Variants in N4BP2 observed in about 807,000 individuals in gnomAD.
The protein encoded by N4BP2 is NEDD4-binding protein 2.
In N4BP2, 91 loss-of-function variants were observed where a neutral mutation model predicts 152.8. That is an observed-to-expected ratio of 0.60 (90% CI 0.50 to 0.71). The LOEUF is 0.71. Ranked by LOEUF, N4BP2 falls within the 30% of genes least tolerant of loss-of-function variation. The pLI, the probability that N4BP2 is intolerant of heterozygous loss-of-function variation, is 0.00. For missense variants in N4BP2, 1,923 were observed against 2,059.1 expected, an observed-to-expected ratio of 0.93 and a Z score of 1.28; for synonymous variants, 646 against 705.3, an observed-to-expected ratio of 0.92 and a Z score of 1.33.
chr4:40,143,532 C>G (rs2110036126), intron 15 of N4BP2, among the ~76,000 whole-genome samples: 1 of 152,232 alleles, frequency 6.6e-6, no homozygotes, highest in African/African-American at 2.4e-5. Flanking sequence ...AACTCCTGAG[C>G]TCAAGCAATC....
intron 2 of N4BP2, among the ~76,000 whole-genome samples, chr4:40,085,689 G>A (rs2109928367): frequency 6.6e-6 from 1 of 152,208 alleles, no homozygotes; most frequent in East Asian, 1.9e-4. Context: ...CTGGAACGCT[G>A]TATTGTTTCC....
chr4:40,158,863 C>G (rs1215673200), downstream of N4BP2, among the ~76,000 whole-genome samples: 2 of 152,218 alleles, frequency 1.3e-5, no homozygotes, highest in East Asian at 3.9e-4. Flanking sequence ...GCAGAATTCA[C>G]TCATTTTGCA....
intron 1 of N4BP2, among the ~76,000 whole-genome samples, chr4:40,069,360 C>T (rs896338402): frequency 1.3e-5 from 2 of 152,046 alleles, no homozygotes; most frequent in Admixed American, 6.6e-5. Context: ...ATCACTTGAA[C>T]CTGGGAGGTG....
At chr4:40,138,395 T>C (rs1394550930) in intron 14 of N4BP2, among the ~76,000 whole-genome samples, 1 of 151,578 alleles carries the variant, frequency 6.6e-6, no homozygotes, top group Admixed American at 6.6e-5. Context: ...TTTCACTCTG[T>C]TGTTTCTGTT....
chr4:40,091,274 A>C lies in N4BP2; in HGVS notation c.-114-5953A>C, dbSNP rs189397539. On this transcript the variant is annotated intron_variant, in intron 2 of 17. Transcript: ENST00000261435. ...TTATTTTCTTTTTTTCTCTTATTTCATGAGCTAGAACTTCCAGCATTATTT... is the reference window on the plus strand; with the variant it reads ...TTATTTTCTTTTTTTCTCTTATTTCCTGAGCTAGAACTTCCAGCATTATTT... 1.4e-4 allele frequency among the ~76,000 whole-genome samples: 22 copies of C among 151,934 alleles called. No individual in the cohort carries two copies. The East Asian group carries it at 4.3e-3, about 29-fold the overall frequency.
the N4BP2 span, among the ~76,000 whole-genome samples, chr4:40,175,074 G>A: frequency 5.9e-5 from 9 of 152,102 alleles, no homozygotes; most frequent in African/African-American, 1.9e-4. Flanking sequence ...AAACTGGAGT[G>A]CAGTGGCACA....
rs772512614 is a variant in N4BP2 at position 40,120,444 on chromosome 4, A to G, written c.2333A>G (p.Lys778Arg). ...CAAAAAAGCAAATCGACTTTGGAAA[A>G]GTTCCCAAGACATGAGCTATCAAAT... ...GKQKSKSTLE[K>R]FPRHELSNFV... The change falls in exon 9 of 18, where the codon AAG becomes AGG. Residue 778 changes from lysine to arginine, a missense_variant. Physicochemically the swap from Lys to Arg is conservative, Grantham distance 26. Coordinates refer to ENST00000261435, the MANE Select transcript of N4BP2 (RefSeq NM_018177.6). 6.2e-7 allele frequency: 1 copy of G among 1,613,950 alleles called. No homozygotes were observed.
chr4:40,097,511 A>G lies in N4BP2; in HGVS notation c.171A>G (p.Ile57Met), dbSNP rs1163717018. Residue 57 changes from isoleucine to methionine, a missense_variant, in exon 3 of 18, where the codon ATA (isoleucine) becomes ATG (methionine). Coordinates refer to ENST00000261435, the MANE Select transcript of N4BP2 (RefSeq NM_018177.6). ...AACTCTTCACCAGTATCTCAGAGAT[A>G]TTTTCTGATCTGGATCCTGATGTAG... is the stretch of plus-strand genomic sequence containing the variant. ...QEELFTSISE[I>M]FSDLDPDVVY... 6.2e-7 allele frequency: 1 copy of G among 1,613,868 alleles called. No individual in the cohort carries two copies. Among genetic ancestry groups the G allele is most frequent in the African/African-American group, 1.3e-5 (1 of 74,994 alleles).
chr4:40,190,079 C>A, the N4BP2 span, among the ~76,000 whole-genome samples: 2 of 152,186 alleles, frequency 1.3e-5, no homozygotes, highest in African/African-American at 4.8e-5. Context: ...ATCCCCCTTC[C>A]TTACTTTGCT....
the N4BP2 span, among the ~76,000 whole-genome samples, chr4:40,168,583 T>C: frequency 1.6e-5 from 1 of 61,032 alleles, no homozygotes; most frequent in African/African-American, 5.2e-5. Context: ...AAAATGAAAT[T>C]TATGGATTTT....
At chr4:40,169,324 G>A in the N4BP2 span, among the ~76,000 whole-genome samples, 1 of 150,966 alleles carries the variant, frequency 6.6e-6, no homozygotes, top group Non-Finnish European at 1.5e-5. Context: ...GGAGGTTGCA[G>A]TGAGCTGAGA....
At chr4:40,082,935 C>T (rs919625236) in intron 2 of N4BP2, 4 of 182,250 alleles carry the variant, frequency 2.2e-5, no homozygotes, top group Non-Finnish European at 4.7e-5. Flanking sequence ...CTCCTGACCT[C>T]GTGATCTGCC....
At chr4:40,060,206 A>T (rs557923125) in intron 1 of N4BP2, among the ~76,000 whole-genome samples, 1 of 152,032 alleles carries the variant, frequency 6.6e-6, no homozygotes, top group South Asian at 2.1e-4. Context: ...AGAACTGTAC[A>T]TCTAGATTGT....
At chr4:40,077,311 C>CT (rs1190743974) in intron 2 of N4BP2, among the ~76,000 whole-genome samples, 1 of 151,694 alleles carries the variant, frequency 6.6e-6, no homozygotes, top group East Asian at 1.9e-4. Context: ...CCATGCCTGG[C>CT]TGTTTTTTGT....
intron 5 of N4BP2, among the ~76,000 whole-genome samples, chr4:40,108,866 G>A (rs1716585731): frequency 6.6e-6 from 1 of 151,418 alleles, no homozygotes; most frequent in African/African-American, 2.4e-5. Context: ...TGCCAGGCTG[G>A]AGTGCGGTGG....
chr4:40,175,338 GAAAA>G, the N4BP2 span, among the ~76,000 whole-genome samples: 11,853 of 103,716 alleles, frequency 0.11, 523 homozygotes, highest in Non-Finnish European at 0.14. Flanking sequence ...GTGAAATATA[GAAAA>G]AAAAAAAAAA....
At chr4:40,061,705 C>T (rs928072700) in intron 1 of N4BP2, among the ~76,000 whole-genome samples, 2 of 151,122 alleles carry the variant, frequency 1.3e-5, no homozygotes, top group Admixed American at 1.3e-4. Context: ...GCTCTTGTTG[C>T]CCAGGTTGGA....
rs1721643899 is a variant in N4BP2, at chr4:40,156,903, A to G, written c.*2666A>G. 1 of 152,124 alleles carries G rather than the reference A, an allele frequency of 6.6e-6. No homozygotes were observed. Among genetic ancestry groups the G allele is most frequent in the South Asian group, 2.1e-4 (1 of 4,834 alleles). 9.4% of individuals were successfully genotyped at this position (152,124 alleles called of 1,614,324 possible). ...CCCCCAAACCCCAGCAATCCAAAAC[A>G]CTTCTGGTCCTAAGCATTTTGAGTA... On this transcript the variant is annotated 3_prime_UTR_variant, in exon 18 of 18. Coordinates refer to ENST00000261435, the MANE Select transcript of N4BP2 (RefSeq NM_018177.6).
rs376553645 is a variant in N4BP2 at position 40,071,726 on chromosome 4, C to G, written c.-211-1729C>G. Among the ~76,000 whole-genome samples, 5 of 152,010 alleles carry G rather than the reference C, an allele frequency of 3.3e-5. No homozygotes were observed. The East Asian group carries it at 9.7e-4, about 30-fold the overall frequency. ...GGACTACAGGCTCTCGCCACCACGC[C>G]CAGCTAATTATGTATTTTTAGTAGA... is the stretch of plus-strand genomic sequence containing the variant. On this transcript the variant is annotated intron_variant, in intron 1 of 17. Coordinates refer to ENST00000261435, the MANE Select transcript of N4BP2 (RefSeq NM_018177.6).
Sources: gnomAD v4.1 joint callset for allele counts (sites outside exome capture counted in the v4.1 genomes callset) on GRCh38, gnomAD v4.1.1 for gene constraint, MANE v1.5 for transcripts, NCBI Gene and HGNC (gene_info 2026-07-23, HGNC 2026-07-21) for gene names.